Variants in SOX6 observed in about 807,000 individuals in gnomAD.
SOX6 encodes the protein SRY-box transcription factor 6.
Under a neutral mutation model 97.8 loss-of-function variants are expected in SOX6, and 11 were observed. That is an observed-to-expected ratio of 0.11 (90% CI 0.07 to 0.19). The LOEUF (loss-of-function observed/expected upper bound fraction) is 0.19. Among genes scored for constraint, SOX6 ranks in the 10% least tolerant of loss-of-function variants. The pLI, the probability that SOX6 is intolerant of heterozygous loss-of-function variation, is 1.00. For synonymous variants in SOX6, 360 were observed against 371.4 expected (o/e 0.97, Z 0.35); for missense variants, 810 against 1,039.5 (o/e 0.78, Z 3.04).
At chr11:16,419,445 A>G (rs968367917) in intron 1 of SOX6, among the ~76,000 whole-genome samples, 2 of 152,154 alleles carry the variant, frequency 1.3e-5, no homozygotes, top group Admixed American at 6.5e-5. Flanking sequence ...TGAAAAGCTT[A>G]GCTCTGCTAT....
chr11:16,712,227 T>G (rs1564874861), intron 3 of SOX6, among the ~76,000 whole-genome samples: 1 of 152,144 alleles, frequency 6.6e-6, no homozygotes, highest in Non-Finnish European at 1.5e-5. Context: ...AAGTATCTTT[T>G]TCATATAATG....
intron 6 of SOX6, among the ~76,000 whole-genome samples, chr11:16,162,787 C>G (rs756512885): frequency 3.9e-5 from 6 of 152,142 alleles, no homozygotes; most frequent in Non-Finnish European, 7.3e-5. Flanking sequence ...TCTTTAACAG[C>G]CTTGGTTTTC....
At chr11:16,540,429 C>T (rs1279062463) in intron 4 of SOX6, among the ~76,000 whole-genome samples, 1 of 152,070 alleles carries the variant, frequency 6.6e-6, no homozygotes, top group African/African-American at 2.4e-5. Context: ...GATGCCCTCT[C>T]TCACCACTCC....
At chr11:16,127,122 T>A (rs2134014456) in intron 6 of SOX6, among the ~76,000 whole-genome samples, 1 of 152,222 alleles carries the variant, frequency 6.6e-6, no homozygotes, top group Non-Finnish European at 1.5e-5. Flanking sequence ...AATAGCTTTG[T>A]AACTCAAAGA....
At chr11:16,547,556 C>G (rs1847635753) in intron 4 of SOX6, among the ~76,000 whole-genome samples, 1 of 152,086 alleles carries the variant, frequency 6.6e-6, no homozygotes, top group Admixed American at 6.6e-5. Context: ...AAGACAAATA[C>G]TGCATGTTCT....
intron 4 of SOX6, among the ~76,000 whole-genome samples, chr11:16,533,207 A>G (rs893528197): frequency 2.0e-5 from 3 of 151,950 alleles, no homozygotes; most frequent in Non-Finnish European, 4.4e-5. Context: ...ACATAAATCA[A>G]AAGTATATAA....
At chr11:16,721,382 T>C (rs1734655455) in intron 2 of SOX6, among the ~76,000 whole-genome samples, 1 of 152,174 alleles carries the variant, frequency 6.6e-6, no homozygotes, top group African/African-American at 2.4e-5. Flanking sequence ...GGAACTTTTT[T>C]TCTCCCCCAA....
intron 3 of SOX6, among the ~76,000 whole-genome samples, chr11:16,293,850 G>A (rs1220577670): frequency 6.6e-6 from 1 of 151,858 alleles, no homozygotes; most frequent in Non-Finnish European, 1.5e-5. Context: ...AGTGAGAGAC[G>A]ACCAGGCCCT....
chr11:16,580,827 C>G (rs897537775), intron 4 of SOX6, among the ~76,000 whole-genome samples: 8 of 152,032 alleles, frequency 5.3e-5, no homozygotes, highest in African/African-American at 1.9e-4. Flanking sequence ...ATTTATGTGG[C>G]CAACAACATA....
At chr11:16,349,993 CA>C (rs2134356768) in intron 1 of SOX6, among the ~76,000 whole-genome samples, 2 of 152,204 alleles carry the variant, frequency 1.3e-5, no homozygotes, top group African/African-American at 4.8e-5. Context: ...TTCTAAATAA[CA>C]TCATTTATGA....
chr11:16,334,362 C>T (rs769185300), intron 2 of SOX6, among the ~76,000 whole-genome samples: 4 of 151,826 alleles, frequency 2.6e-5, no homozygotes, highest in African/African-American at 4.8e-5. Context: ...TGTTAATCAG[C>T]ATGCATACCT....
intron 12 of SOX6, among the ~76,000 whole-genome samples, chr11:16,045,034 G>A (rs193225283): frequency 3.3e-5 from 5 of 151,798 alleles, no homozygotes; most frequent in East Asian, 1.9e-4. Context: ...TCCCTCTCCC[G>A]TGTGTTCCAA....
At chr11:16,518,015 C>G (rs1399947403) in intron 4 of SOX6, among the ~76,000 whole-genome samples, 1 of 152,104 alleles carries the variant, frequency 6.6e-6, no homozygotes, top group African/African-American at 2.4e-5. Flanking sequence ...CATTGCTCGC[C>G]CCATCCATAA....
intron 1 of SOX6, among the ~76,000 whole-genome samples, chr11:16,393,284 G>A (rs1858240293): frequency 6.6e-6 from 1 of 151,974 alleles, no homozygotes; most frequent in Non-Finnish European, 1.5e-5. Flanking sequence ...GTAAGAAACT[G>A]AATTTCCCTG....
Position 16,203,843 on chromosome 11 carries a change from C to T in SOX6, c.536-16888G>A, listed in dbSNP as rs34308756. On this transcript the variant is annotated intron_variant, in intron 4 of 15. Coordinates refer to ENST00000683767, the MANE Select transcript of SOX6 (RefSeq NM_001367873.1). ...GTTATTATCATTATAAAGTAAAAAA[C>T]CATGGTAGAAATTCTACCGGCATTG... is the stretch of plus-strand genomic sequence containing the variant. 8.7e-3 allele frequency among the ~76,000 whole-genome samples: 1,323 copies of T among 152,012 alleles called. 17 individuals are homozygous for T. The highest frequency in any genetic ancestry group is 0.03 in the African/African-American group (1,263 of 41,468).
chr11:15,976,344 A>G (rs1853485734), intron 15 of SOX6, among the ~76,000 whole-genome samples: 1 of 152,230 alleles, frequency 6.6e-6, no homozygotes, highest in African/African-American at 2.4e-5. Context: ...GCTAATTATT[A>G]TCACTGACAT....
chr11:16,639,272 A>G (rs1213389939), intron 3 of SOX6, among the ~76,000 whole-genome samples: 2 of 152,108 alleles, frequency 1.3e-5, no homozygotes, highest in Non-Finnish European at 2.9e-5. Flanking sequence ...CCATTGGTAT[A>G]TATCTCTGTT....
intron 3 of SOX6, among the ~76,000 whole-genome samples, chr11:16,634,170 G>A (rs1238484747): frequency 2.0e-5 from 3 of 151,856 alleles, no homozygotes; most frequent in Non-Finnish European, 4.4e-5. Context: ...TCTAAGCAGA[G>A]AAATAGGAAA....
intron 2 of SOX6, among the ~76,000 whole-genome samples, chr11:16,736,121 T>A (rs1848389564): frequency 6.6e-6 from 1 of 152,300 alleles, no homozygotes; most frequent in East Asian, 1.9e-4. Context: ...TATAATTTCA[T>A]CCTTCCTATA....
Sources: allele counts gnomAD v4.1 joint callset (sites outside exome capture counted in the v4.1 genomes callset), GRCh38; gene constraint gnomAD v4.1.1; transcripts MANE v1.5; gene names NCBI Gene and HGNC (gene_info 2026-07-23, HGNC 2026-07-21).